The following ITGAM variants were observed in gnomAD, a reference collection of about 807,000 sequenced individuals.
ITGAM encodes the protein integrin subunit alpha M, also known as integrin alpha-M.
ITGAM carries 79 observed loss-of-function variants against 137.5 expected under a neutral mutation model. The ratio of observed to expected loss-of-function variants is 0.57; its 90% CI spans 0.48 to 0.69. The LOEUF is 0.69. ITGAM is among the 30% of genes least tolerant of loss of function. The pLI is 0.00. For missense variants in ITGAM, 1,343 were observed against 1,483.5 expected (o/e 0.91, Z 1.56); for synonymous variants, 583 against 592.3 (o/e 0.98, Z 0.23).
At chr16:31,270,153 CTT>C (rs1484804793) in intron 5 of ITGAM, among the ~76,000 whole-genome samples, 175 of 71,604 alleles carry the variant, frequency 2.4e-3, no homozygotes, top group African/African-American at 8.9e-3. Flanking sequence ...CTTTCCTTTC[CTT>C]TCCTTTCCTT....
rs1443359004 is a variant in ITGAM, at chr16:31,321,271, C to A, written c.1738C>A (p.Leu580Ile). The part of the protein sequence containing the change: ...RIAGSKLSPR[L>I]QYFGQSLSGG... ...AGCAGGCTCCAAGCTCTCTCCCAGG[C>A]TCCAGTATTTTGGTCAGTCACTGAG... Residue 580 changes from leucine to isoleucine, a missense_variant, in exon 15 of 30, where the codon CTC becomes ATC. Leu to Ile is a conservative substitution (Grantham distance 5). Coordinates refer to ENST00000544665, the MANE Select transcript of ITGAM (RefSeq NM_000632.4). 3 of 1,613,878 alleles carry A rather than the reference C, an allele frequency of 1.9e-6. No individual in the cohort carries two copies. The highest frequency in any genetic ancestry group is 2.5e-6 in the Non-Finnish European group (3 of 1,179,900).
At chr16:31,276,454 C>A (rs1036848616) in intron 9 of ITGAM, among the ~76,000 whole-genome samples, 1 of 152,112 alleles carries the variant, frequency 6.6e-6, no homozygotes, top group Non-Finnish European at 1.5e-5. Flanking sequence ...GCCTCAGCCT[C>A]CTGAGTAGCT....
At position 31,329,299 on chromosome 16, in the gene ITGAM, A is replaced by G. The variant is rs201415882; in HGVS notation, c.2864A>G (p.Tyr955Cys). The change falls in exon 24 of 30, where the codon TAT becomes TGT. Residue 955 changes from tyrosine (Y) to cysteine (C), a missense_variant. Transcript: ENST00000544665. ...ACCAGTCGGGTCATGCAGCATCAAT[A>G]TCAGGTGGGCAGCTGGGACGTCTGG... is the stretch of plus-strand genomic sequence containing the variant. Reference protein sequence around the residue: ...ENTSRVMQHQYQVSNLGQRSL... With the variant: ...ENTSRVMQHQCQVSNLGQRSL... 6.2e-7 allele frequency: 1 copy of G among 1,609,238 alleles called. No homozygotes were observed. The highest frequency in any genetic ancestry group is 1.1e-5 in the South Asian group (1 of 90,810).
intron 24 of ITGAM, 44 bp from the exon 25 acceptor site, chr16:31,329,754 G>T (rs1259853259): frequency 1.3e-6 from 2 of 1,497,256 alleles, no homozygotes; most frequent in South Asian, 2.4e-5. Context: ...CCAGGCTGGT[G>T]GGGGAGGAAG....
At chr16:31,307,608 C>G (rs1218759021) in intron 14 of ITGAM, among the ~76,000 whole-genome samples, 1 of 152,164 alleles carries the variant, frequency 6.6e-6, no homozygotes, top group Non-Finnish European at 1.5e-5. Context: ...GACAATTTGA[C>G]TTCCTCTTTT....
rs139985339 is a variant in ITGAM, at chr16:31,298,624, G to C, written c.1707+670G>C. ...CAAGAGCTCTAGTTTGCTTAACTCT[G>C]TCCCAGATTTAGTACTGAAATCCCA... On this transcript the variant is annotated intron_variant, in intron 14 of 29. Coordinates refer to ENST00000544665, the MANE Select transcript of ITGAM (RefSeq NM_000632.4). Among the ~76,000 whole-genome samples, 154 of 152,272 alleles carry C rather than the reference G, an allele frequency of 1.0e-3. 3 individuals are homozygous for C. In the East Asian group the frequency reaches 0.025, roughly 25 times the overall value.
At chr16:31,284,598 G>A (rs1269614066) in intron 12 of ITGAM, among the ~76,000 whole-genome samples, 1 of 152,150 alleles carries the variant, frequency 6.6e-6, no homozygotes, top group Non-Finnish European at 1.5e-5. Flanking sequence ...GGGTGGGAGT[G>A]TCCCAATTTT....
chr16:31,318,344 CTTTT>C (rs34125826), intron 14 of ITGAM, among the ~76,000 whole-genome samples: 26 of 131,474 alleles, frequency 2.0e-4, no homozygotes, highest in Non-Finnish European at 3.4e-4. Context: ...CTTGTCAGTT[CTTTT>C]TTTTTTTTTT....
chr16:31,312,609 T>G (rs574941165), intron 14 of ITGAM, among the ~76,000 whole-genome samples: 2 of 152,154 alleles, frequency 1.3e-5, no homozygotes, highest in South Asian at 2.1e-4. Context: ...AAATTTCTTT[T>G]GCAGTGACAG....
chr16:31,273,056 T>C (rs190201576), intron 7 of ITGAM, among the ~76,000 whole-genome samples: 1 of 151,988 alleles, frequency 6.6e-6, no homozygotes, highest in Admixed American at 6.6e-5. Context: ...GTCAGCACTT[T>C]AGGAGGCCGA....
Position 31,297,626 on chromosome 16 carries a change from A to G in ITGAM, c.1469A>G (p.Gln490Arg). Residue 490 changes from glutamine (Q) to arginine (R), a missense_variant, in exon 13 of 30, where the codon CAG (glutamine) becomes CGG (arginine). Physicochemically the swap from Gln to Arg is conservative, Grantham distance 43 (BLOSUM62 1). Transcript: ENST00000544665. ...TACTACGAGCAGACCCGAGGGGGCC[A>G]GGTGTCCGTGTGCCCCTTGCCCAGG... ...PHYYEQTRGG[Q>R]VSVCPLPRGR... is the part of the protein sequence containing the mutation. 2 of 1,613,422 alleles carry G rather than the reference A, an allele frequency of 1.2e-6. No individual in the cohort carries two copies. Among genetic ancestry groups the G allele is most frequent in the Non-Finnish European group, 1.7e-6 (2 of 1,179,918 alleles).
chr16:31,324,416 G>T lies in ITGAM; in HGVS notation c.2020G>T (p.Val674Leu). ...RLREGQIQSV[V>L]TYDLALDSGR... ...CCCTTCAGGACAGATCCAGAGTGTT[G>T]TGACTTATGACCTGGCTCTGGACTC... is the stretch of plus-strand genomic sequence containing the variant. Residue 674 changes from valine (V) to leucine (L), a missense_variant, in exon 17 of 30, where the codon GTG becomes TTG. Coordinates refer to ENST00000544665, the MANE Select transcript of ITGAM (RefSeq NM_000632.4). This position sits in a 1 kb window ranked among gnomAD's most constrained non-coding sequence, Gnocchi z 4.5. The T allele has an allele frequency of 1.3e-6, 2 of 1,552,322 alleles. No homozygotes were observed. Among genetic ancestry groups the T allele is most frequent in the Non-Finnish European group, 8.7e-7 (1 of 1,147,348 alleles).
intron 16 of ITGAM, 85 bp downstream of exon 16, chr16:31,321,712 C>A (rs2080453161): frequency 1.5e-6 from 2 of 1,362,038 alleles, no homozygotes; most frequent in South Asian, 1.3e-5. Flanking sequence ...AGCCTTCTGG[C>A]TGTCCTGAAC....
intron 1 of ITGAM, among the ~76,000 whole-genome samples, chr16:31,260,342 G>A (rs1376016583): frequency 6.6e-6 from 1 of 152,138 alleles, no homozygotes; most frequent in Non-Finnish European, 1.5e-5. Flanking sequence ...CTTCACACAT[G>A]AGGAGACGGA....
intron 16 of ITGAM, among the ~76,000 whole-genome samples, chr16:31,322,920 T>A (rs1194856738): frequency 6.6e-6 from 1 of 151,826 alleles, no homozygotes; most frequent in African/African-American, 2.4e-5. Flanking sequence ...AGTATCTGGA[T>A]AAATATGCGA....
chr16:31,289,948 G>A (rs1350124219), intron 12 of ITGAM, among the ~76,000 whole-genome samples: 1 of 151,828 alleles, frequency 6.6e-6, no homozygotes. Context: ...AGGTGTGGTG[G>A]CACATGGCTG....
intron 12 of ITGAM, among the ~76,000 whole-genome samples, chr16:31,295,993 C>T (rs1411880211): frequency 1.3e-5 from 2 of 151,750 alleles, no homozygotes; most frequent in African/African-American, 4.8e-5. Flanking sequence ...GGTTTTAGTC[C>T]TTCATTCTGT....
At position 31,326,873 on chromosome 16, in the gene ITGAM, G is replaced by GGC; in HGVS notation, c.2646_2647insGC (p.Phe883AlafsTer4). On this transcript the variant is annotated frameshift_variant, in exon 22 of 30. Transcript: ENST00000544665. LOFTEE classifies it high-confidence loss of function. Reference sequence around the variant, plus strand: ...CACTCCAGGTCACCTTTAATATCACGTTTGATGTAGACTCTAAGGCTTCCC... The same window carrying GGC: ...CACTCCAGGTCACCTTTAATATCACGGCTTTGATGTAGACTCTAAGGCTTCCC... 1 of 1,611,980 alleles carries GGC rather than the reference G, an allele frequency of 6.2e-7. No homozygotes were observed. The highest frequency in any genetic ancestry group is 8.5e-7 in the Non-Finnish European group (1 of 1,178,224).
At position 31,331,710 on chromosome 16, in the gene ITGAM, GC is replaced by G; in HGVS notation, c.*4del. On this transcript the variant is annotated 3_prime_UTR_variant, in exon 30 of 30. Transcript: ENST00000544665. ...CCCCGGGGGCCGAACCCCAGTAGCG[GC>G]TCCTTCCCGACAGAGCTGCCTCTCG... The G allele has an allele frequency of 1.3e-6, 2 of 1,595,366 alleles. No individual in the cohort carries two copies. Among genetic ancestry groups the G allele is most frequent in the Non-Finnish European group, 1.7e-6 (2 of 1,171,030 alleles).
Sources: gnomAD v4.1 joint callset for allele counts (sites outside exome capture counted in the v4.1 genomes callset) on GRCh38, gnomAD v4.1.1 for gene constraint, Gnocchi (gnomAD v3.1) non-coding constraint, MANE v1.5 for transcripts, NCBI Gene and HGNC (gene_info 2026-07-23, HGNC 2026-07-21) for gene names.